Variants in MX1 observed in about 807,000 individuals in gnomAD.
MX1 encodes the protein MX dynamin like GTPase 1.
MX1 carries 66 observed loss-of-function variants against 66.4 expected under a neutral mutation model. That is an observed-to-expected ratio of 0.99 (90% CI 0.82 to 1.22). The LOEUF is 1.22. MX1 is among the 50% of genes most tolerant of loss of function. MX1 has a pLI of 0.00. For synonymous variants in MX1, 311 were observed against 318.1 expected (o/e 0.98, Z 0.24); for missense variants, 787 against 834.3 (o/e 0.94, Z 0.70).
chr21:41,452,993 A>G, intron 16 of MX1, 124 bp downstream of exon 16: 1 of 1,113,506 alleles, frequency 9.0e-7, no homozygotes, highest in East Asian at 2.4e-5. Context: ...CCTCCTTGTT[A>G]GCCTCCTGTA....
upstream of MX1, among the ~76,000 whole-genome samples, chr21:41,424,226 A>AGTGTGTGTGTGTGTGTGT (rs3037030): frequency 1.5e-4 from 22 of 146,320 alleles, no homozygotes; most frequent in African/African-American, 4.9e-4. Flanking sequence ...AGAGGGGTTG[A>AGTGTGTGTGTGTGTGTGT]GTGTGTGTGT....
At chr21:41,421,057 G>A (rs1016378667) in intron 1 of MX1, among the ~76,000 whole-genome samples, 2 of 152,244 alleles carry the variant, frequency 1.3e-5, no homozygotes, top group Non-Finnish European at 2.9e-5. Context: ...TCATTTGTGG[G>A]TGTTTCTCCG....
rs761724257 is a variant in MX1, at chr21:41,446,122, T to G, written c.1254T>G (p.Ile418Met). ...AGTTCCACAAATGGAGTACAATAAT[T>G]GAAAACAATTTTCAAGAAGGTGAGT... ...RHEFHKWSTI[I>M]ENNFQEGHKI... The change falls in exon 13 of 17, where the codon ATT (isoleucine) becomes ATG (methionine). Residue 418 changes from isoleucine to methionine, a missense_variant. Coordinates refer to ENST00000398598, the MANE Select transcript of MX1 (RefSeq NM_002462.5). 18 of 1,614,038 alleles carry G rather than the reference T, an allele frequency of 1.1e-5. No homozygotes were observed. The South Asian group carries it at 2.0e-4, about 18-fold the overall frequency.
intron 5 of MX1, among the ~76,000 whole-genome samples, chr21:41,434,692 T>TA (rs2090313045): frequency 6.6e-6 from 1 of 152,218 alleles, no homozygotes; most frequent in Non-Finnish European, 1.5e-5. Context: ...AACCTTAGAA[T>TA]AGTGTATTTC....
intron 5 of MX1, 127 bp downstream of exon 5, chr21:41,432,302 G>T: frequency 1.2e-6 from 1 of 821,154 alleles, no homozygotes; most frequent in African/African-American, 1.7e-5. Context: ...GTGCCAGGAC[G>T]CAGATCCTGA....
chr21:41,434,915 T>C (rs1171574595), intron 5 of MX1, among the ~76,000 whole-genome samples: 4 of 152,256 alleles, frequency 2.6e-5, no homozygotes, highest in Admixed American at 2.6e-4. Context: ...ATTTTCCTTC[T>C]ACCTAAAGAA....
chr21:41,433,220 C>T (rs2090271068), intron 5 of MX1, among the ~76,000 whole-genome samples: 1 of 152,250 alleles, frequency 6.6e-6, no homozygotes, highest in Non-Finnish European at 1.5e-5. Context: ...CCAGCCCCTC[C>T]TCCCACTCTT....
upstream of MX1, among the ~76,000 whole-genome samples, chr21:41,425,873 G>A (rs2146031442): frequency 6.6e-6 from 1 of 152,280 alleles, no homozygotes; most frequent in South Asian, 2.1e-4. Context: ...AGCCCTGGGA[G>A]GGAACTGAAG....
rs1601552718 is a variant in MX1, at chr21:41,458,974, AT to A, written c.*218del. The A allele has an allele frequency of 2.5e-6, 2 of 791,240 alleles. No individual in the cohort carries two copies. The highest frequency in any genetic ancestry group is 5.5e-5 in the East Asian group (2 of 36,446). 49.0% of individuals were successfully genotyped at this position (791,240 alleles called of 1,614,324 possible). On this transcript the variant is annotated 3_prime_UTR_variant, in exon 17 of 17. Coordinates refer to ENST00000398598, the MANE Select transcript of MX1 (RefSeq NM_002462.5). ...CCTCAGATGCACATGAGCTGGCGGG[AT>A]TGAAGGATGCTGTCTTCGTACTGGG...
At chr21:41,439,057 A>C in intron 7 of MX1, among the ~76,000 whole-genome samples, 1 of 152,050 alleles carries the variant, frequency 6.6e-6, no homozygotes. Context: ...AGGTACATGG[A>C]TATTGGGGGA....
intron 12 of MX1, 64 bp downstream of exon 12, chr21:41,445,634 G>A (rs2090639280): frequency 6.2e-7 from 1 of 1,602,374 alleles, no homozygotes; most frequent in African/African-American, 1.3e-5. Context: ...GGGACCCTGG[G>A]CCTTATGCAC....
At chr21:41,457,526 T>A (rs2090987592) in intron 16 of MX1, among the ~76,000 whole-genome samples, 1 of 152,122 alleles carries the variant, frequency 6.6e-6, no homozygotes, top group South Asian at 2.1e-4. Flanking sequence ...GAGGTCCCAG[T>A]CCCATCCTGG....
chr21:41,421,166 C>T (rs1439919621), intron 1 of MX1, among the ~76,000 whole-genome samples: 3 of 152,196 alleles, frequency 2.0e-5, no homozygotes, highest in South Asian at 2.1e-4. Context: ...GGTAAAGAAT[C>T]AAGTGCTGTG....
intron 1 of MX1, 43 bp from the exon 2 acceptor site, chr21:41,427,163 G>A (rs1478099156): frequency 6.6e-6 from 1 of 152,248 alleles, no homozygotes; most frequent in Non-Finnish European, 1.5e-5. Context: ...CACCACCGGT[G>A]TCAGTCCCAA....
chr21:41,423,158 G>A, upstream of MX1: 1 of 154,028 alleles, frequency 6.5e-6, no homozygotes, highest in Non-Finnish European at 1.4e-5. Flanking sequence ...AATGGGAGCG[G>A]CAATGGGTGC....
At chr21:41,427,524 T>TAA (rs61556667) in intron 2 of MX1, among the ~76,000 whole-genome samples, 2 of 151,804 alleles carry the variant, frequency 1.3e-5, no homozygotes, top group South Asian at 2.1e-4. Flanking sequence ...TAAAAGCTTA[T>TAA]AAAAAAAGAA....
At chr21:41,454,663 A>G (rs116478337) in intron 16 of MX1, among the ~76,000 whole-genome samples, 2,123 of 152,326 alleles carry the variant, frequency 0.014, 48 homozygotes, top group African/African-American at 0.048. Context: ...AGTACAATCT[A>G]ATTCATCCTA....
upstream of MX1, among the ~76,000 whole-genome samples, chr21:41,424,794 G>A (rs1057190582): frequency 1.3e-5 from 2 of 152,158 alleles, no homozygotes; most frequent in South Asian, 4.1e-4. Flanking sequence ...CTTTTAATTC[G>A]GGCCAACAGC....
At chr21:41,430,478 C>A (rs2090182976) in intron 3 of MX1, 55 bp from the exon 4 acceptor site, 1 of 151,998 alleles carries the variant, frequency 6.6e-6, no homozygotes, top group African/African-American at 2.4e-5. Flanking sequence ...TGGGTGGGTA[C>A]TCTCGGGTGT....
Sources: gnomAD v4.1 joint callset for allele counts (sites outside exome capture counted in the v4.1 genomes callset) on GRCh38, gnomAD v4.1.1 for gene constraint, MANE v1.5 for transcripts, NCBI Gene and HGNC (gene_info 2026-07-23, HGNC 2026-07-21) for gene names.